LARGE1: variants seen among roughly 807,000 people sequenced by gnomAD.
The protein encoded by LARGE1 is LARGE xylosyl- and glucuronyltransferase 1, also known as xylosyl- and glucuronyltransferase LARGE1.
A neutral mutation model predicts 87.6 loss-of-function variants in LARGE1; 43 were observed. That is an observed-to-expected ratio of 0.49 (90% CI 0.38 to 0.63). The LOEUF (loss-of-function observed/expected upper bound fraction) is 0.63. Ranked by LOEUF, LARGE1 falls within the 30% of genes least tolerant of loss-of-function variation. The pLI is 0.00. For missense variants in LARGE1, 802 were observed against 1,000.2 expected (o/e 0.80, Z 2.67); for synonymous variants, 434 against 394.6 (o/e 1.10, Z -1.18).
At chr22:33,422,671 G>GT (rs2066734487) in intron 7 of LARGE1, among the ~76,000 whole-genome samples, 1 of 152,176 alleles carries the variant, frequency 6.6e-6, no homozygotes, top group East Asian at 1.9e-4. Flanking sequence ...CACCACGCCT[G>GT]GCTAATTTTT....
At chr22:33,720,369 C>A (rs2083058243) in intron 2 of LARGE1, among the ~76,000 whole-genome samples, 1 of 152,124 alleles carries the variant, frequency 6.6e-6, no homozygotes, top group Admixed American at 6.5e-5. Context: ...GATGAAGCTT[C>A]TCTCACTGGC....
At chr22:33,158,599 T>C (rs1335051450), downstream of LARGE1, among the ~76,000 whole-genome samples, 1 of 152,136 alleles carries the variant, frequency 6.6e-6, no homozygotes, top group Non-Finnish European at 1.5e-5. Context: ...ATCAGGATAT[T>C]CAGAATATAA....
intron 2 of LARGE1, among the ~76,000 whole-genome samples, chr22:33,679,006 C>T (rs1224282721): frequency 6.6e-6 from 1 of 152,194 alleles, no homozygotes; most frequent in African/African-American, 2.4e-5. Context: ...GCCCGGATCC[C>T]TTCAATTCAG....
At chr22:33,899,202 G>A (rs895537941) in intron 1 of LARGE1, among the ~76,000 whole-genome samples, 1 of 152,038 alleles carries the variant, frequency 6.6e-6, no homozygotes, top group African/African-American at 2.4e-5. Flanking sequence ...GAACTTCATC[G>A]CCCACCTGTG....
intron 6 of LARGE1, among the ~76,000 whole-genome samples, chr22:33,437,081 C>T (rs988886703): frequency 2.0e-5 from 3 of 152,086 alleles, no homozygotes; most frequent in East Asian, 1.9e-4. Flanking sequence ...ATTCTGGCCA[C>T]GGGGTCTAGT....
At chr22:33,376,185 G>C (rs967194854) in intron 9 of LARGE1, among the ~76,000 whole-genome samples, 2 of 152,062 alleles carry the variant, frequency 1.3e-5, no homozygotes, top group African/African-American at 4.8e-5. Flanking sequence ...ATATGGCTAT[G>C]ATTTAAAGAA....
chr22:33,348,180 T>C (rs927787674), intron 9 of LARGE1, among the ~76,000 whole-genome samples: 4 of 151,938 alleles, frequency 2.6e-5, no homozygotes, highest in Non-Finnish European at 5.9e-5. Flanking sequence ...GGGTTTAAAG[T>C]ACTGGGCAGA....
At chr22:33,143,044 T>G in the LARGE1 span, among the ~76,000 whole-genome samples, 8 of 152,218 alleles carry the variant, frequency 5.3e-5, no homozygotes, top group Non-Finnish European at 1.2e-4. Flanking sequence ...CATCATTTTT[T>G]CAGCCTATGA....
intron 1 of LARGE1, among the ~76,000 whole-genome samples, chr22:33,793,223 A>G (rs2085877527): frequency 6.6e-6 from 1 of 152,196 alleles, no homozygotes; most frequent in African/African-American, 2.4e-5. Context: ...TCTCTCTCTC[A>G]TCACCCTGGA....
At chr22:33,701,739 C>T (rs912936429) in intron 2 of LARGE1, among the ~76,000 whole-genome samples, 1 of 152,186 alleles carries the variant, frequency 6.6e-6, no homozygotes, top group Non-Finnish European at 1.5e-5. Context: ...GGCAGGGAGA[C>T]AGTCATTTAT....
intron 11 of LARGE1, among the ~76,000 whole-genome samples, chr22:33,218,553 C>A (rs908226339): frequency 1.3e-5 from 2 of 152,194 alleles, no homozygotes; most frequent in African/African-American, 4.8e-5. Context: ...GTACTCACAT[C>A]TGACTACCTT....
At chr22:33,186,721 A>G (rs923448957) in intron 11 of LARGE1, among the ~76,000 whole-genome samples, 1 of 152,178 alleles carries the variant, frequency 6.6e-6, no homozygotes, top group Non-Finnish European at 1.5e-5. Flanking sequence ...TGAAAATTCT[A>G]AGAAATCAAA....
chr22:33,810,344 C>T (rs2086453081), intron 1 of LARGE1, among the ~76,000 whole-genome samples: 1 of 152,150 alleles, frequency 6.6e-6, no homozygotes, highest in South Asian at 2.1e-4. Context: ...ACAGTACTCT[C>T]TGGACCTCCG....
chr22:33,217,222 T>A (rs180672773), intron 11 of LARGE1, among the ~76,000 whole-genome samples: 59 of 146,710 alleles, frequency 4.0e-4, no homozygotes, highest in African/African-American at 1.5e-3. Flanking sequence ...GATAGGTAGT[T>A]AACAATATCT....
At chr22:33,233,909 G>C (rs779228994) in intron 11 of LARGE1, among the ~76,000 whole-genome samples, 3 of 152,160 alleles carry the variant, frequency 2.0e-5, no homozygotes, top group Non-Finnish European at 4.4e-5. Context: ...TGGCGTGCCT[G>C]TGTTATACTA....
the LARGE1 span, among the ~76,000 whole-genome samples, chr22:33,091,614 T>C: frequency 6.8e-6 from 1 of 146,766 alleles, no homozygotes; most frequent in Non-Finnish European, 1.5e-5. Flanking sequence ...ATCTTATCCT[T>C]GGTCTGGGCC....
rs76520391 is a variant in LARGE1, at chr22:33,585,602, T to G, written c.615+18833A>C. On this transcript the variant is annotated intron_variant, in intron 5 of 14. Transcript: ENST00000397394. Reference sequence around the variant, plus strand: ...TGGATTTATTCTCACCCCTCCACCATGAGGAGCCCACGAAAATTCCCAAGA... The same window carrying G: ...TGGATTTATTCTCACCCCTCCACCAGGAGGAGCCCACGAAAATTCCCAAGA... Among the ~76,000 whole-genome samples the G allele has an allele frequency of 4.7e-3, 713 of 152,292 alleles. 6 individuals carry two copies. Among genetic ancestry groups the G allele is most frequent in the African/African-American group, 0.016 (663 of 41,570 alleles).
At chr22:33,240,906 C>T (rs1364079166) in intron 11 of LARGE1, among the ~76,000 whole-genome samples, 1 of 152,190 alleles carries the variant, frequency 6.6e-6, no homozygotes. Context: ...TGCATCAATA[C>T]TATTTCTTGC....
At chr22:33,650,962 T>C (rs1181778266) in intron 2 of LARGE1, among the ~76,000 whole-genome samples, 1 of 152,008 alleles carries the variant, frequency 6.6e-6, no homozygotes. Flanking sequence ...TTGGCATGTT[T>C]CTAAGTAGGC....
Sources: allele counts gnomAD v4.1 joint callset (sites outside exome capture counted in the v4.1 genomes callset), GRCh38; gene constraint gnomAD v4.1.1; transcripts MANE v1.5; gene names NCBI Gene and HGNC (gene_info 2026-07-23, HGNC 2026-07-21).